The following ARHGAP28 variants were observed in gnomAD, a reference collection of about 807,000 sequenced individuals.
The protein encoded by ARHGAP28 is rho GTPase-activating protein 28.
ARHGAP28 carries 56 observed loss-of-function variants against 90.7 expected under a neutral mutation model. The observed-to-expected ratio is 0.62, with a 90% CI of 0.50 to 0.77. The LOEUF (loss-of-function observed/expected upper bound fraction) is 0.77, where lower values mean the gene tolerates loss of function less well. Among genes scored for constraint, ARHGAP28 ranks in the 30% least tolerant of loss-of-function variants. ARHGAP28 has a pLI of 0.00. For synonymous variants in ARHGAP28, 308 were observed against 323.3 expected (o/e 0.95, Z 0.51); for missense variants, 869 against 900.9 (o/e 0.96, Z 0.45).
chr18:6,885,838 G>A (rs2057216778), intron 11 of ARHGAP28, among the ~76,000 whole-genome samples: 1 of 141,954 alleles, frequency 7.0e-6, no homozygotes, highest in Non-Finnish European at 1.5e-5. Context: ...GAAGATTAGA[G>A]ACAGTCCTCA....
chr18:6,780,913 T>A (rs2143478629), intron 1 of ARHGAP28, among the ~76,000 whole-genome samples: 1 of 150,936 alleles, frequency 6.6e-6, no homozygotes, highest in South Asian at 2.1e-4. Flanking sequence ...AAAAAAAAAT[T>A]CAATCAGTCT....
intron 1 of ARHGAP28, among the ~76,000 whole-genome samples, chr18:6,765,144 GT>G (rs1328246998): frequency 6.6e-6 from 1 of 152,156 alleles, no homozygotes; most frequent in Admixed American, 6.5e-5. Flanking sequence ...TGTACAGATG[GT>G]TTTGGTATCA....
rs1461010153 is a variant in ARHGAP28 at position 6,887,231 on chromosome 18, G to T, written c.1528G>T (p.Ala510Ser). The T allele has an allele frequency of 6.2e-7, 1 of 1,613,956 alleles. No homozygotes were observed. Among genetic ancestry groups the T allele is most frequent in the African/African-American group, 1.3e-5 (1 of 74,924 alleles). ...GGCGCTGCCTGATGCCAACAGAGAT[G>T]CAGCTCAGGTACGTCGTGTCCACCT... Reference protein sequence around the residue: ...VMALPDANRDAAQALMTFFNK... With the variant: ...VMALPDANRDSAQALMTFFNK... Residue 510 changes from alanine (A) to serine (S), a missense_variant, in exon 12 of 18, where the codon GCA (alanine) becomes TCA (serine). Ala to Ser is a moderately conservative substitution (Grantham distance 99). Transcript: ENST00000383472.
intron 1 of ARHGAP28, among the ~76,000 whole-genome samples, chr18:6,812,985 T>A (rs2056567188): frequency 6.6e-6 from 1 of 152,224 alleles, no homozygotes; most frequent in Admixed American, 6.5e-5. Context: ...AACAGTGTTT[T>A]CAGTAAACTG....
chr18:6,849,538 G>C (rs1226212976), intron 3 of ARHGAP28, among the ~76,000 whole-genome samples: 1 of 152,144 alleles, frequency 6.6e-6, no homozygotes, highest in African/African-American at 2.4e-5. Context: ...TTTACTCTTT[G>C]AGCAAATCTG....
chr18:6,765,931 T>TA (rs1266695887), intron 1 of ARHGAP28, among the ~76,000 whole-genome samples: 2 of 152,204 alleles, frequency 1.3e-5, no homozygotes, highest in Admixed American at 6.5e-5. Context: ...TTCTGGGTAT[T>TA]AAAAAAATCA....
chr18:6,821,699 C>T lies in ARHGAP28; in HGVS notation c.123-3063C>T, dbSNP rs186122330. 2.6e-5 allele frequency among the ~76,000 whole-genome samples: 4 copies of T among 152,268 alleles called. No homozygotes were observed. In the East Asian group the frequency reaches 7.7e-4, roughly 29 times the overall value. ...AGCTGATCATTGTGATTAAAGGATT[C>T]TTTGGGTGGACTGTTTCAGAAGGAA... On this transcript the variant is annotated intron_variant, in intron 1 of 17. Transcript: ENST00000383472.
At position 6,887,229 on chromosome 18, in the gene ARHGAP28, A is replaced by G. The variant is rs760753313; in HGVS notation, c.1526A>G (p.Asp509Gly). 6.2e-7 allele frequency: 1 copy of G among 1,614,064 alleles called. No homozygotes were observed. The highest frequency in any genetic ancestry group is 8.5e-7 in the Non-Finnish European group (1 of 1,179,986). ...MVMALPDANR[D>G]AAQALMTFFN... ...ATGGCGCTGCCTGATGCCAACAGAG[A>G]TGCAGCTCAGGTACGTCGTGTCCAC... Residue 509 changes from aspartate (D) to glycine (G), a missense_variant, in exon 12 of 18, where the codon GAT (aspartate) becomes GGT (glycine). Physicochemically the swap from Asp to Gly is moderately conservative, Grantham distance 94. Coordinates refer to ENST00000383472, the MANE Select transcript of ARHGAP28 (RefSeq NM_001366230.1).
chr18:6,831,224 A>G (rs1165628306), intron 2 of ARHGAP28, among the ~76,000 whole-genome samples: 1 of 152,168 alleles, frequency 6.6e-6, no homozygotes, highest in Non-Finnish European at 1.5e-5. Flanking sequence ...CTTTTCATGC[A>G]TCTTGCTTTG....
intron 1 of ARHGAP28, among the ~76,000 whole-genome samples, chr18:6,751,472 C>T (rs941123531): frequency 3.3e-5 from 5 of 152,134 alleles, no homozygotes; most frequent in African/African-American, 1.2e-4. Context: ...TAAAGTGCAG[C>T]ATCTTAATTT....
At chr18:6,809,722 C>A (rs2056543218) in intron 1 of ARHGAP28, among the ~76,000 whole-genome samples, 1 of 152,132 alleles carries the variant, frequency 6.6e-6, no homozygotes, top group Non-Finnish European at 1.5e-5. Flanking sequence ...TAGAAACCAC[C>A]CCCATGATCC....
At chr18:6,738,857 G>A (rs1448847827) in intron 1 of ARHGAP28, among the ~76,000 whole-genome samples, 1 of 152,118 alleles carries the variant, frequency 6.6e-6, no homozygotes, top group Non-Finnish European at 1.5e-5. Context: ...AGCCAGAAGG[G>A]TTCTGACCTA....
chr18:6,754,091 G>A (rs1398655954), intron 1 of ARHGAP28, among the ~76,000 whole-genome samples: 16 of 152,186 alleles, frequency 1.1e-4, no homozygotes, highest in Admixed American at 1.0e-3. Context: ...CAGGTAGGAA[G>A]AATACTGTTT....
intron 1 of ARHGAP28, among the ~76,000 whole-genome samples, chr18:6,760,556 T>C (rs184471348): frequency 5.6e-4 from 85 of 152,344 alleles, no homozygotes; most frequent in African/African-American, 1.4e-3. Flanking sequence ...TCTGTTGTTT[T>C]TACAACACAT....
At chr18:6,806,699 TTCC>T (rs2056521502) in intron 1 of ARHGAP28, among the ~76,000 whole-genome samples, 3 of 152,114 alleles carry the variant, frequency 2.0e-5, no homozygotes, top group Admixed American at 1.3e-4. Flanking sequence ...GAACTTACTG[TTCC>T]TTATGCTCTT....
chr18:6,753,036 G>C (rs764978369), intron 1 of ARHGAP28, among the ~76,000 whole-genome samples: 22 of 151,916 alleles, frequency 1.4e-4, no homozygotes, highest in Non-Finnish European at 2.5e-4. Flanking sequence ...TAATAAATCA[G>C]AGGGTTTTGT....
intron 3 of ARHGAP28, among the ~76,000 whole-genome samples, chr18:6,841,374 T>G (rs1325102920): frequency 6.6e-6 from 1 of 151,808 alleles, no homozygotes; most frequent in South Asian, 2.1e-4. Flanking sequence ...TGAAGTCTTA[T>G]AATCAGTTTC....
chr18:6,849,840 A>G (rs1239498859), intron 3 of ARHGAP28, among the ~76,000 whole-genome samples: 2 of 152,088 alleles, frequency 1.3e-5, no homozygotes, highest in Non-Finnish European at 2.9e-5. Context: ...TTCCATCATC[A>G]TCAGCACTCA....
chr18:6,786,987 A>G (rs766854654), intron 1 of ARHGAP28, among the ~76,000 whole-genome samples: 24 of 152,156 alleles, frequency 1.6e-4, no homozygotes, highest in Admixed American at 7.9e-4. Context: ...TGGGAGGCTG[A>G]TGCCGACGGA....
Sources: gnomAD v4.1 joint callset for allele counts (sites outside exome capture counted in the v4.1 genomes callset) on GRCh38, gnomAD v4.1.1 for gene constraint, MANE v1.5 for transcripts, NCBI Gene and HGNC (gene_info 2026-07-23, HGNC 2026-07-21) for gene names.